SGIP1: variants seen among roughly 807,000 people sequenced by gnomAD.
SGIP1 encodes SH3-containing GRB2-like protein 3-interacting protein 1.
Under a neutral mutation model 107.5 loss-of-function variants are expected in SGIP1, and 38 were observed. The ratio of observed to expected loss-of-function variants is 0.35; its 90% CI spans 0.27 to 0.46. The LOEUF is 0.46. SGIP1 is among the 20% of genes least tolerant of loss of function. The pLI, the probability that SGIP1 is intolerant of heterozygous loss-of-function variation, is 1.00. For synonymous variants in SGIP1, 365 were observed against 366.1 expected (o/e 1.00, Z 0.03); for missense variants, 929 against 1,019.5 (o/e 0.91, Z 1.21).
chr1:66,639,441 T>C (rs186108241), intron 4 of SGIP1, among the ~76,000 whole-genome samples: 9 of 152,314 alleles, frequency 5.9e-5, no homozygotes, highest in Non-Finnish European at 1.5e-5. Flanking sequence ...CACGGCTATA[T>C]CTCCTGTAGA....
chr1:66,565,307 G>A (rs1312489541), intron 1 of SGIP1, among the ~76,000 whole-genome samples: 1 of 151,596 alleles, frequency 6.6e-6, no homozygotes, highest in Non-Finnish European at 1.5e-5. Flanking sequence ...CATTTATATG[G>A]GCTCTTATTT....
intron 24 of SGIP1, 127 bp from the exon 25 acceptor site, chr1:66,742,946 T>C: frequency 1.1e-6 from 1 of 873,970 alleles, no homozygotes; most frequent in South Asian, 1.6e-5. Flanking sequence ...TTTATTCGTA[T>C]TGTACCTCTG....
At chr1:66,658,059 C>A (rs2031478) in intron 7 of SGIP1, among the ~76,000 whole-genome samples, 98,523 of 152,018 alleles carry the variant, frequency 0.65, 32,849 homozygotes, top group East Asian at 1. Context: ...TTAATATATG[C>A]GGTAGCCTGA....
chr1:66,597,259 G>A (rs2064890655), intron 1 of SGIP1, among the ~76,000 whole-genome samples: 1 of 152,248 alleles, frequency 6.6e-6, no homozygotes, highest in Admixed American at 6.5e-5. Context: ...CCTTCTTTGT[G>A]TTCATGAGTT....
chr1:66,684,168 T>G (rs1241377828), intron 15 of SGIP1: 1 of 1,550,606 alleles, frequency 6.4e-7, no homozygotes, highest in Non-Finnish European at 8.7e-7. Flanking sequence ...CTGGAGGCAA[T>G]GAACTGGATT....
chr1:66,662,914 A>G (rs2081818640), intron 8 of SGIP1, among the ~76,000 whole-genome samples: 1 of 152,238 alleles, frequency 6.6e-6, no homozygotes, highest in African/African-American at 2.4e-5. Flanking sequence ...AACAGCAGAT[A>G]GAATTTACTG....
At chr1:66,689,975 G>A (rs530695012) in intron 16 of SGIP1, among the ~76,000 whole-genome samples, 7 of 152,284 alleles carry the variant, frequency 4.6e-5, no homozygotes, top group African/African-American at 1.2e-4. Context: ...TCCCAGCTTC[G>A]CTAAGCTCAG....
chr1:66,690,090 C>T, intron 16 of SGIP1, 100 bp from the exon 17 acceptor site: 1 of 1,365,920 alleles, frequency 7.3e-7, no homozygotes, highest in South Asian at 1.3e-5. Flanking sequence ...TCTTCAGATA[C>T]CTAAGTTGTC....
At chr1:66,708,707 A>G (rs2092697570) in intron 18 of SGIP1, among the ~76,000 whole-genome samples, 1 of 152,152 alleles carries the variant, frequency 6.6e-6, no homozygotes, top group African/African-American at 2.4e-5. Context: ...GGTTGAAGAA[A>G]AATTCTCTAC....
At position 66,671,926 on chromosome 1, in the gene SGIP1, C is replaced by T. The variant is rs1331075100; in HGVS notation, c.509-18C>T. On this transcript the variant is annotated intron_variant, in intron 10 of 24. Transcript: ENST00000371037. ...TGGTAAAAATTTGTCTAAAAAGTTC[C>T]TTTGTCCTGTGCATCAGGTGAAGAA... 6.2e-7 allele frequency: 1 copy of T among 1,613,600 alleles called. No individual in the cohort carries two copies. The highest frequency in any genetic ancestry group is 2.2e-5 in the East Asian group (1 of 44,862).
chr1:66,691,215 C>T (rs1283625304), intron 17 of SGIP1, among the ~76,000 whole-genome samples: 2 of 152,260 alleles, frequency 1.3e-5, no homozygotes, highest in Admixed American at 6.5e-5. Flanking sequence ...TCCCACATTG[C>T]TTGGGAGAAT....
Position 66,643,725 on chromosome 1 carries a change from T to TG in SGIP1, c.459+7dup, listed in dbSNP as rs763307582. 1 of 1,591,174 alleles carries TG rather than the reference T, an allele frequency of 6.3e-7. No individual in the cohort carries two copies. Among genetic ancestry groups the TG allele is most frequent in the South Asian group, 1.1e-5 (1 of 87,664 alleles). Reference sequence around the variant, plus strand: ...CACTTTCCCCATCACCAGTGGTGAGTGTTGTGTGTGTGTGTGTTAAGCTTT... The same window carrying TG: ...CACTTTCCCCATCACCAGTGGTGAGTGGTTGTGTGTGTGTGTGTTAAGCTTT... On this transcript the variant is annotated splice_region_variant and intron_variant, in intron 7 of 24. Coordinates refer to ENST00000371037, the MANE Select transcript of SGIP1 (RefSeq NM_032291.4).
chr1:66,622,934 A>G (rs1241203287), intron 1 of SGIP1, among the ~76,000 whole-genome samples: 2 of 152,166 alleles, frequency 1.3e-5, no homozygotes, highest in Non-Finnish European at 2.9e-5. Flanking sequence ...AAATCATTGG[A>G]TATACTGTTT....
intron 4 of SGIP1, among the ~76,000 whole-genome samples, chr1:66,638,803 A>G (rs1406671341): frequency 6.6e-6 from 1 of 152,144 alleles, no homozygotes; most frequent in African/African-American, 2.4e-5. Context: ...AGTGGCCTTT[A>G]TTTGTTGTTG....
intron 5 of SGIP1, among the ~76,000 whole-genome samples, chr1:66,641,723 T>G (rs1536114): frequency 0.15 from 23,209 of 152,184 alleles, 2,377 homozygotes; most frequent in East Asian, 0.5. Flanking sequence ...ATGATCATTC[T>G]AATCCCAACA....
intron 1 of SGIP1, among the ~76,000 whole-genome samples, chr1:66,578,041 A>T (rs1260951475): frequency 6.6e-6 from 1 of 152,178 alleles, no homozygotes; most frequent in East Asian, 1.9e-4. Flanking sequence ...GTGACTTTTT[A>T]AAAAATTTAC....
intron 2 of SGIP1, among the ~76,000 whole-genome samples, chr1:66,628,676 T>G (rs1223853476): frequency 6.6e-6 from 1 of 152,220 alleles, no homozygotes; most frequent in Admixed American, 6.5e-5. Flanking sequence ...TTGAACAACC[T>G]CTACAGGGCA....
At chr1:66,612,344 G>A (rs2068199497) in intron 1 of SGIP1, among the ~76,000 whole-genome samples, 1 of 152,196 alleles carries the variant, frequency 6.6e-6, no homozygotes, top group South Asian at 2.1e-4. Context: ...GGGATCAAAT[G>A]TCAACATGAG....
chr1:66,593,408 C>G (rs1475756290), intron 1 of SGIP1, among the ~76,000 whole-genome samples: 1 of 152,162 alleles, frequency 6.6e-6, no homozygotes, highest in African/African-American at 2.4e-5. Flanking sequence ...TGCGTTTCTA[C>G]TAGCAATGAA....
Sources: gnomAD v4.1 joint callset for allele counts (sites outside exome capture counted in the v4.1 genomes callset) on GRCh38, gnomAD v4.1.1 for gene constraint, MANE v1.5 for transcripts, NCBI Gene and HGNC (gene_info 2026-07-23, HGNC 2026-07-21) for gene names.